LOC128462377: variants seen among roughly 807,000 people sequenced by gnomAD.
At chr16:89,366,223 A>T in the LOC128462377 span, among the ~76,000 whole-genome samples, 1 of 151,784 alleles carries the variant, frequency 6.6e-6, no homozygotes, top group Admixed American at 6.6e-5. Flanking sequence ...TCTTTATCCA[A>T]TCCGTCACTG....
chr16:89,361,872 C>T, the LOC128462377 span, among the ~76,000 whole-genome samples: 1 of 152,130 alleles, frequency 6.6e-6, no homozygotes, highest in Non-Finnish European at 1.5e-5. Context: ...TAGATAAGAC[C>T]TTCAAAACAG....
At chr16:89,326,392 G>A in the LOC128462377 span, among the ~76,000 whole-genome samples, 3 of 137,098 alleles carry the variant, frequency 2.2e-5, no homozygotes, top group African/African-American at 8.0e-5. Flanking sequence ...CCCCCACCCC[G>A]CTGCAGAAGG....
At chr16:89,323,218 C>A in the LOC128462377 span, 4 of 987,070 alleles carry the variant, frequency 4.1e-6, no homozygotes, top group African/African-American at 1.7e-5. Context: ...ACGGACTGAG[C>A]GGAGGAAAAA....
the LOC128462377 span, among the ~76,000 whole-genome samples, chr16:89,368,351 C>T: frequency 2.7e-5 from 4 of 147,596 alleles, no homozygotes; most frequent in South Asian, 2.2e-4. Context: ...TGCCTGCTGC[C>T]GTGCCTGGCT....
At chr16:89,346,733 T>C in the LOC128462377 span, among the ~76,000 whole-genome samples, 1 of 152,214 alleles carries the variant, frequency 6.6e-6, no homozygotes, top group African/African-American at 2.4e-5. Context: ...CCAGGTAAAG[T>C]GGTTGTTAGA....
the LOC128462377 span, among the ~76,000 whole-genome samples, chr16:89,388,792 G>A: frequency 6.6e-6 from 1 of 152,154 alleles, no homozygotes. Flanking sequence ...CGCAGCCCTG[G>A]GAAGAAGGTT....
chr16:89,330,119 T>C, the LOC128462377 span, among the ~76,000 whole-genome samples: 4 of 152,234 alleles, frequency 2.6e-5, no homozygotes, highest in Non-Finnish European at 5.9e-5. Context: ...TTGAATGACA[T>C]TAAACATTTA....
At chr16:89,374,406 C>T in the LOC128462377 span, among the ~76,000 whole-genome samples, 1 of 152,072 alleles carries the variant, frequency 6.6e-6, no homozygotes, top group South Asian at 2.1e-4. Flanking sequence ...TTCTGTTCTA[C>T]ATGGGCAGAG....
chr16:89,328,642 G>A, the LOC128462377 span, among the ~76,000 whole-genome samples: 9 of 150,070 alleles, frequency 6.0e-5, no homozygotes, highest in South Asian at 2.1e-4. Context: ...CCAGGAGCAC[G>A]GGCGAAATCA....
chr16:89,350,664 G>C, the LOC128462377 span, among the ~76,000 whole-genome samples: 1 of 152,200 alleles, frequency 6.6e-6, no homozygotes, highest in Non-Finnish European at 1.5e-5. Context: ...CTGCAAAGAG[G>C]AAAGGGGGAA....
the LOC128462377 span, among the ~76,000 whole-genome samples, chr16:89,362,059 T>C: frequency 6.6e-6 from 1 of 152,236 alleles, no homozygotes; most frequent in East Asian, 1.9e-4. Context: ...CAGATACGTT[T>C]CATTAAATGC....
chr16:89,347,689 C>G, the LOC128462377 span, among the ~76,000 whole-genome samples: 1 of 150,968 alleles, frequency 6.6e-6, no homozygotes, highest in African/African-American at 2.4e-5. Flanking sequence ...ATCGGTTTTT[C>G]CTAATTTTCT....
chr16:89,349,804 TTTA>T, the LOC128462377 span, among the ~76,000 whole-genome samples: 1 of 150,652 alleles, frequency 6.6e-6, no homozygotes, highest in Non-Finnish European at 1.5e-5. Context: ...AACTAAAAAC[TTTA>T]GCTGCTCTAA....
chr16:89,398,741 G>A, the LOC128462377 span, among the ~76,000 whole-genome samples: 4 of 151,284 alleles, frequency 2.6e-5, no homozygotes, highest in Admixed American at 1.3e-4. Context: ...GAGATTGTGT[G>A]TCCAAAAAAA....
At chr16:89,335,170 G>A in the LOC128462377 span, among the ~76,000 whole-genome samples, 2 of 152,206 alleles carry the variant, frequency 1.3e-5, no homozygotes, top group African/African-American at 4.8e-5. Flanking sequence ...ACTGTGGAAA[G>A]CACAGGAAGT....
chr16:89,413,422 G>A, the LOC128462377 span, among the ~76,000 whole-genome samples: 2 of 152,098 alleles, frequency 1.3e-5, no homozygotes, highest in East Asian at 1.9e-4. Context: ...TCAGGAGACC[G>A]ACACCATCCT....
At chr16:89,358,143 T>C in the LOC128462377 span, among the ~76,000 whole-genome samples, 12 of 152,204 alleles carry the variant, frequency 7.9e-5, 1 homozygote, top group Admixed American at 7.2e-4. Context: ...TGGCTGGAGA[T>C]GCTGCACCCA....
the LOC128462377 span, chr16:89,323,988 T>C: frequency 4.6e-6 from 1 of 216,390 alleles, no homozygotes; most frequent in Non-Finnish European, 9.4e-6. Context: ...AATTCACAGG[T>C]TCAAACCAAA....
the LOC128462377 span, among the ~76,000 whole-genome samples, chr16:89,345,731 A>T: frequency 1.3e-5 from 2 of 152,218 alleles, no homozygotes; most frequent in Admixed American, 1.3e-4. Flanking sequence ...ATGAACAAAC[A>T]TTTCAGAAAA....
Sources: allele counts gnomAD v4.1 joint callset (sites outside exome capture counted in the v4.1 genomes callset), GRCh38; gene constraint gnomAD v4.1.1; transcripts MANE v1.5.